Variants in LHX6 observed in about 807,000 individuals in gnomAD.
The protein encoded by LHX6 is LIM homeobox 6, also known as LIM/homeobox protein Lhx6.
In LHX6, 15 loss-of-function variants were observed where a neutral mutation model predicts 47.1. The ratio of observed to expected loss-of-function variants is 0.32; its 90% CI spans 0.21 to 0.49. The LOEUF (loss-of-function observed/expected upper bound fraction) is 0.49. Ranked by LOEUF, LHX6 falls within the 20% of genes least tolerant of loss-of-function variation. LHX6 has a pLI of 0.99. For missense variants in LHX6, 404 were observed against 539.6 expected, an observed-to-expected ratio of 0.75 and a Z score of 2.49; for synonymous variants, 242 against 233.5, an observed-to-expected ratio of 1.04 and a Z score of -0.33.
intron 9 of LHX6, 52 bp from the exon 10 acceptor site, chr9:122,204,832 G>A (rs183203117): frequency 1.3e-5 from 17 of 1,345,270 alleles, no homozygotes. Flanking sequence ...GCCCCACCCT[G>A]CTGCCCCCCA....
intron 8 of LHX6, among the ~76,000 whole-genome samples, chr9:122,212,701 C>T (rs915426039): frequency 2.6e-5 from 4 of 152,146 alleles, no homozygotes; most frequent in African/African-American, 4.8e-5. Context: ...TCACCATGAC[C>T]CGCTTGCCCC....
In LHX6 at chr9:122,226,276, C is replaced by A; in HGVS notation, c.461+100G>T. ...GCGCGCCGGAAGTGCACTCGGGACGCCGGGGTTCTGGAGGAGAGACCACAC... is the reference window on the plus strand; with the variant it reads ...GCGCGCCGGAAGTGCACTCGGGACGACGGGGTTCTGGAGGAGAGACCACAC... On this transcript the variant is annotated intron_variant, in intron 4 of 9. Transcript: ENST00000394319. This position sits in a 1 kb window ranked among gnomAD's most constrained non-coding sequence, Gnocchi z 6.5. 1.1e-5 allele frequency: 16 copies of A among 1,447,108 alleles called. No homozygotes were observed. The highest frequency in any genetic ancestry group is 1.5e-5 in the Non-Finnish European group (16 of 1,082,636). 89.6% of individuals were successfully genotyped at this position (1,447,108 alleles called of 1,614,324 possible).
rs1200541547 is a variant in LHX6, at chr9:122,226,821, C to G, written c.339+27G>C. The G allele has an allele frequency of 1.3e-6, 2 of 1,551,842 alleles. No individual in the cohort carries two copies. On this transcript the variant is annotated intron_variant, in intron 3 of 9. Coordinates refer to ENST00000394319, the MANE Select transcript of LHX6 (RefSeq NM_014368.5). This position sits in a 1 kb window ranked among gnomAD's most constrained non-coding sequence, Gnocchi z 6.5. ...CGCTGCGTCCCACGCCCCGACAACA[C>G]GCACGCAACACCTACCCCTGTCTCA...
At position 122,213,815 on chromosome 9, in the gene LHX6, GA is replaced by G; in HGVS notation, c.880-36del. The G allele has an allele frequency of 6.4e-7, 1 of 1,556,616 alleles. No homozygotes were observed. On this transcript the variant is annotated intron_variant, in intron 7 of 9. Transcript: ENST00000394319. This position sits in a 1 kb window ranked among gnomAD's most constrained non-coding sequence, Gnocchi z 5.5. ...CAGCCTCGGCAGCCTCAGCCTCGAG[GA>G]AAAGAGTCGGACGCGCCGCCGGGAG...
chr9:122,213,577 C>T lies in LHX6; in HGVS notation c.1054+29G>A. Reference sequence around the variant, plus strand: ...CCTCCGCGCCCCCTCCCCGCAGGCCCAGCGGCTCCCGGCGCTGCGGTTACT... The same window carrying T: ...CCTCCGCGCCCCCTCCCCGCAGGCCTAGCGGCTCCCGGCGCTGCGGTTACT... On this transcript the variant is annotated intron_variant, in intron 8 of 9. Transcript: ENST00000394319. This position sits in a 1 kb window ranked among gnomAD's most constrained non-coding sequence, Gnocchi z 5.5. The T allele has an allele frequency of 6.5e-7, 1 of 1,529,414 alleles. No homozygotes were observed. Among genetic ancestry groups the T allele is most frequent in the Non-Finnish European group, 8.8e-7 (1 of 1,142,620 alleles). The allele number at this position is 1,529,414 out of a possible 1,614,324, so 94.7% of individuals were successfully genotyped here.
At chr9:122,221,317 G>C in intron 4 of LHX6, 1 of 985,562 alleles carries the variant, frequency 1.0e-6, no homozygotes, top group Non-Finnish European at 1.2e-6. Context: ...TCCCCTCTCG[G>C]CTCCCCCAAC....
At position 122,202,932 on chromosome 9, in the gene LHX6, C is replaced by T. The variant is rs954157186; in HGVS notation, c.*1828G>A. On this transcript the variant is annotated 3_prime_UTR_variant, in exon 10 of 10. Transcript: ENST00000394319. ...GGTTGGCCACTTACCACATGGTTGCCACTGGGGCCTTGATGATCAGGAGCA... is the reference window on the plus strand; with the variant it reads ...GGTTGGCCACTTACCACATGGTTGCTACTGGGGCCTTGATGATCAGGAGCA... 6.6e-6 allele frequency: 1 copy of T among 152,354 alleles called. No individual in the cohort carries two copies. The highest frequency in any genetic ancestry group is 1.5e-5 in the Non-Finnish European group (1 of 68,042). The allele number at this position is 152,354 out of a possible 1,614,324, so 9.4% of individuals were successfully genotyped here. A position where few individuals can be genotyped will look rare whatever the true frequency, so the allele number is the denominator to read the frequency against.
rs1392166889 is a variant in LHX6, at chr9:122,227,265, G to A, written c.156+144C>T. 4 of 951,642 alleles carry A rather than the reference G, an allele frequency of 4.2e-6. No homozygotes were observed. The East Asian group carries it at 9.1e-5, about 22-fold the overall frequency. 58.9% of individuals were successfully genotyped at this position (951,642 alleles called of 1,614,324 possible). On this transcript the variant is annotated intron_variant, in intron 2 of 9. Coordinates refer to ENST00000394319, the MANE Select transcript of LHX6 (RefSeq NM_014368.5). ...CGGTTAAAGCCAACATTCCCTGCCG[G>A]AAAACCGAGGCTCAGAGAGGGGCGG...
intron 4 of LHX6, among the ~76,000 whole-genome samples, chr9:122,225,374 A>T (rs1382527268): frequency 6.6e-6 from 1 of 152,220 alleles, no homozygotes; most frequent in Non-Finnish European, 1.5e-5. Flanking sequence ...AGGCCAGTTG[A>T]TGCCTCCCAC....
intron 4 of LHX6, among the ~76,000 whole-genome samples, chr9:122,219,135 C>T (rs1293419134): frequency 3.9e-5 from 6 of 152,200 alleles, no homozygotes; most frequent in Non-Finnish European, 8.8e-5. Context: ...AGCCTGCCTG[C>T]CTTGGCAAAT....
At position 122,226,436 on chromosome 9, in the gene LHX6, C is replaced by T. The variant is rs772377957; in HGVS notation, c.401G>A (p.Arg134Lys). 6 of 1,613,738 alleles carry T rather than the reference C, an allele frequency of 3.7e-6. No homozygotes were observed. ...CTTGATGTAGCAGCTGTTCTGCTGCCTCAGCGACGTGCGACACACGGAGCA... is the reference window on the plus strand; with the variant it reads ...CTTGATGTAGCAGCTGTTCTGCTGCTTCAGCGACGTGCGACACACGGAGCA... ...LECSVCRTSL[R>K]QQNSCYIKNK... Residue 134 changes from arginine to lysine, a missense_variant, in exon 4 of 10, where the codon AGG (arginine) becomes AAG (lysine). By Grantham distance (26) the Arg-to-Lys change is conservative (BLOSUM62 2). Around this residue, in one of 7 missense-constraint regions of LHX6, gnomAD observed 53 missense variants for 97.4 expected, o/e 0.54. Transcript: ENST00000394319. The surrounding 1 kb of genome is among the most constrained non-coding windows in gnomAD (Gnocchi z 6.5).
rs916439819 is a variant in LHX6 at position 122,213,963 on chromosome 9, C to T, written c.879+11G>A. 5.1e-6 allele frequency: 8 copies of T among 1,576,322 alleles called. No individual in the cohort carries two copies. The highest frequency in any genetic ancestry group is 1.3e-5 in the African/African-American group (1 of 74,404). ...CCCGCGGTCCCCAGGCCCCGCCCAC[C>T]CCCGTCCCACCTGGATGACTCTCCG... is the stretch of plus-strand genomic sequence containing the variant. On this transcript the variant is annotated intron_variant, in intron 7 of 9. Transcript: ENST00000394319. This position sits in a 1 kb window ranked among gnomAD's most constrained non-coding sequence, Gnocchi z 5.5.
Position 122,203,047 on chromosome 9 carries a change from A to G in LHX6, c.*1713T>C, listed in dbSNP as rs1830044622. 1 of 152,616 alleles carries G rather than the reference A, an allele frequency of 6.6e-6. No individual in the cohort carries two copies. Among genetic ancestry groups the G allele is most frequent in the South Asian group, 2.1e-4 (1 of 4,836 alleles). The allele number at this position is 152,616 out of a possible 1,614,324, so 9.5% of individuals were successfully genotyped here. A position where few individuals can be genotyped will look rare whatever the true frequency, so the allele number is the denominator to read the frequency against. ...CAGCGCCTAGCACAGGGCTGGGCAC[A>G]AGTTACCACTGACTGAGTGCTGAGC... is the stretch of plus-strand genomic sequence containing the variant. On this transcript the variant is annotated 3_prime_UTR_variant, in exon 10 of 10. Transcript: ENST00000394319.
chr9:122,214,265 C>A lies in LHX6; in HGVS notation c.783+18G>T, dbSNP rs569081646. ...CGGCCCGGCCCCCGCCCCCGCCGCC[C>A]ACTGCTTGCAGCGGTACCTGCAGCT... is the stretch of plus-strand genomic sequence containing the variant. On this transcript the variant is annotated intron_variant, in intron 6 of 9. Coordinates refer to ENST00000394319, the MANE Select transcript of LHX6 (RefSeq NM_014368.5). The surrounding 1 kb of genome is among the most constrained non-coding windows in gnomAD (Gnocchi z 4.6). 4.4e-6 allele frequency: 7 copies of A among 1,578,116 alleles called. No individual in the cohort carries two copies. In the South Asian group the frequency reaches 6.9e-5, roughly 15 times the overall value.
chr9:122,224,375 G>T (rs1183004758), intron 4 of LHX6, among the ~76,000 whole-genome samples: 2 of 152,116 alleles, frequency 1.3e-5, no homozygotes, highest in African/African-American at 2.4e-5. Flanking sequence ...CAGGGAGGTG[G>T]CTAGACAGTG....
At chr9:122,223,069 G>A (rs143232908) in intron 4 of LHX6, among the ~76,000 whole-genome samples, 62 of 152,330 alleles carry the variant, frequency 4.1e-4, no homozygotes, top group Admixed American at 2.4e-3. Flanking sequence ...CTTCCTCATA[G>A]CAGCCACCCA....
chr9:122,227,731 C>A, intron 1 of LHX6: 1 of 667,700 alleles, frequency 1.5e-6, no homozygotes, highest in Non-Finnish European at 2.2e-6. Flanking sequence ...TTGAAGTAAT[C>A]GCTTAGTTCC....
In LHX6 at chr9:122,214,151, C is replaced by T; in HGVS notation, c.784-82G>A. The T allele has an allele frequency of 2.1e-6, 3 of 1,458,554 alleles. No homozygotes were observed. The highest frequency in any genetic ancestry group is 2.8e-6 in the Non-Finnish European group (3 of 1,080,312). 90.4% of individuals were successfully genotyped at this position (1,458,554 alleles called of 1,614,324 possible). The stretch of plus-strand genomic sequence containing the variant: ...CCAATCAGCGGCGCCAGTCCACAGG[C>T]CACGCCCCAGGCAGCTGCGGCCCCG... On this transcript the variant is annotated intron_variant, in intron 6 of 9. Transcript: ENST00000394319. The surrounding 1 kb of genome is among the most constrained non-coding windows in gnomAD (Gnocchi z 4.6).
Position 122,228,792 on chromosome 9 carries a change from A to G in LHX6, c.-52T>C. ...GCGCGCAGCGCGGAGAGCTGCGCCG[A>G]GGGGGACCACAGCCGCAGTGGGAGC... On this transcript the variant is annotated 5_prime_UTR_variant, in exon 1 of 10. Transcript: ENST00000394319. 8.5e-7 allele frequency: 1 copy of G among 1,173,472 alleles called. No homozygotes were observed. The highest frequency in any genetic ancestry group is 1.6e-5 in the African/African-American group (1 of 62,662). The allele number at this position is 1,173,472 out of a possible 1,614,324, so 72.7% of individuals were successfully genotyped here.
Sources: gnomAD v4.1 joint callset for allele counts (sites outside exome capture counted in the v4.1 genomes callset) on GRCh38, gnomAD v4.1.1 for gene constraint, gnomAD v4.1.1 regional missense constraint, Gnocchi (gnomAD v3.1) non-coding constraint, MANE v1.5 for transcripts, NCBI Gene and HGNC (gene_info 2026-07-23, HGNC 2026-07-21) for gene names.